The following KAZN variants were observed in gnomAD, a reference collection of about 807,000 sequenced individuals.
The protein encoded by KAZN is kazrin.
A neutral mutation model predicts 87.4 loss-of-function variants in KAZN; 40 were observed. The observed-to-expected ratio is 0.46, with a 90% CI of 0.36 to 0.60. The LOEUF is 0.60. Ranked by LOEUF, KAZN falls within the 20% of genes least tolerant of loss-of-function variation. The pLI, the probability that KAZN is intolerant of heterozygous loss-of-function variation, is 0.00. For missense variants in KAZN, 898 were observed against 1,073.9 expected, an observed-to-expected ratio of 0.84 and a Z score of 2.29; for synonymous variants, 466 against 458.3, an observed-to-expected ratio of 1.02 and a Z score of -0.22.
At chr1:15,109,202 T>C (rs139050658) in intron 13 of KAZN, among the ~76,000 whole-genome samples, 1 of 152,114 alleles carries the variant, frequency 6.6e-6, no homozygotes, top group East Asian at 1.9e-4. Flanking sequence ...CTGGGCAACA[T>C]GGCAAAACCC....
At chr1:14,835,753 A>G (rs1647217316) in intron 1 of KAZN, among the ~76,000 whole-genome samples, 1 of 151,598 alleles carries the variant, frequency 6.6e-6, no homozygotes, top group African/African-American at 2.4e-5. Flanking sequence ...TGCCTCCACC[A>G]CCCGTAGCCC....
chr1:14,447,160 GAACCCATAATTC>G (rs1028904934), intron 2 of KAZN, among the ~76,000 whole-genome samples: 23 of 150,708 alleles, frequency 1.5e-4, no homozygotes, highest in Non-Finnish European at 2.2e-4. Context: ...ATCCTAGTGG[GAACCCATAATTC>G]TTCTAGTTCT....
At chr1:14,245,385 G>A (rs1037483023) in intron 2 of KAZN, among the ~76,000 whole-genome samples, 92 of 152,100 alleles carry the variant, frequency 6.0e-4, no homozygotes, top group African/African-American at 2.1e-3. Context: ...TTGACAATAT[G>A]TCAGCTGCAT....
At chr1:15,074,237 G>A (rs752987330) in intron 8 of KAZN, among the ~76,000 whole-genome samples, 3 of 152,224 alleles carry the variant, frequency 2.0e-5, no homozygotes, top group Non-Finnish European at 2.9e-5. Context: ...CGTGTTGGAG[G>A]GTCCCTCCCT....
At chr1:14,533,704 C>A (rs1048836934) in intron 2 of KAZN, among the ~76,000 whole-genome samples, 1 of 152,184 alleles carries the variant, frequency 6.6e-6, no homozygotes, top group African/African-American at 2.4e-5. Context: ...ACCTGTCCTT[C>A]ACAATTTTGC....
intron 1 of KAZN, among the ~76,000 whole-genome samples, chr1:14,056,786 A>C (rs1387770796): frequency 1.3e-5 from 2 of 152,140 alleles, no homozygotes; most frequent in Non-Finnish European, 2.9e-5. Context: ...CTTTTTTTAG[A>C]CATAGCAGGA....
At chr1:14,884,377 C>T (rs865833412) in intron 1 of KAZN, among the ~76,000 whole-genome samples, 1 of 152,056 alleles carries the variant, frequency 6.6e-6, no homozygotes, top group African/African-American at 2.4e-5. Flanking sequence ...GGCAACAGAG[C>T]GAGACTCCAT....
intron 1 of KAZN, among the ~76,000 whole-genome samples, chr1:14,106,056 C>A (rs958842908): frequency 2.1e-4 from 32 of 152,140 alleles, no homozygotes; most frequent in African/African-American, 7.7e-4. Context: ...ATAACAGTAA[C>A]AACAACAATA....
chr1:14,943,074 T>G (rs1184663070), intron 1 of KAZN, among the ~76,000 whole-genome samples: 3 of 142,302 alleles, frequency 2.1e-5, no homozygotes, highest in East Asian at 2.0e-4. Context: ...CCTTGGGTTT[T>G]TTTTTTTTTT....
At chr1:15,113,460 T>C (rs1295663511) in intron 14 of KAZN, 1 of 151,898 alleles carries the variant, frequency 6.6e-6, no homozygotes, top group Non-Finnish European at 1.5e-5. Context: ...AAAAAGAAGA[T>C]CTGGAAACAC....
In KAZN at chr1:14,540,813, T is replaced by C. The variant is rs766687851; in HGVS notation, c.250-58170T>C. Among the ~76,000 whole-genome samples the C allele has an allele frequency of 4.3e-4, 65 of 152,214 alleles. 5 individuals carry two copies. The highest frequency in any genetic ancestry group is 2.9e-5 in the Non-Finnish European group (2 of 68,034). ...GTCCTAATATGAGTGATCTCTACCT[T>C]GTCCTCTACATGTTAGTAAATTCTG... On this transcript the variant is annotated intron_variant, in intron 2 of 16. Transcript: ENST00000636203.
At chr1:14,785,512 T>A (rs1276597463) in intron 1 of KAZN, among the ~76,000 whole-genome samples, 2 of 152,072 alleles carry the variant, frequency 1.3e-5, no homozygotes, top group Middle Eastern at 3.2e-3. Flanking sequence ...CTACACCTCC[T>A]CCGCGGGAGC....
chr1:14,709,323 T>C (rs1448372978), intron 1 of KAZN, among the ~76,000 whole-genome samples: 1 of 152,202 alleles, frequency 6.6e-6, no homozygotes, highest in Non-Finnish European at 1.5e-5. Flanking sequence ...GTGTCTTCCC[T>C]ATCCAAAGGC....
intron 2 of KAZN, among the ~76,000 whole-genome samples, chr1:14,507,584 C>T (rs538898936): frequency 6.6e-6 from 1 of 152,118 alleles, no homozygotes; most frequent in Non-Finnish European, 1.5e-5. Flanking sequence ...GAACAGAGTG[C>T]ATATAAGATT....
chr1:14,164,829 G>A (rs1307909908), intron 1 of KAZN, among the ~76,000 whole-genome samples: 3 of 152,058 alleles, frequency 2.0e-5, no homozygotes, highest in Admixed American at 2.0e-4. Flanking sequence ...ATGAGCCACC[G>A]TGCCCGGCCA....
chr1:14,706,762 G>T (rs1191744755), intron 1 of KAZN, among the ~76,000 whole-genome samples: 1 of 152,198 alleles, frequency 6.6e-6, no homozygotes, highest in East Asian at 1.9e-4. Flanking sequence ...ACACCTTTTA[G>T]TAAGCACTTT....
At chr1:14,063,483 T>G (rs995374256) in intron 1 of KAZN, among the ~76,000 whole-genome samples, 1 of 152,100 alleles carries the variant, frequency 6.6e-6, no homozygotes, top group Admixed American at 6.5e-5. Context: ...GGTGCCCAAT[T>G]GAGTACCCAA....
chr1:14,286,840 C>T (rs1055983218), intron 2 of KAZN, among the ~76,000 whole-genome samples: 2 of 152,112 alleles, frequency 1.3e-5, no homozygotes, highest in Non-Finnish European at 2.9e-5. Flanking sequence ...AATTTTTAGT[C>T]TTTAAATTTG....
intron 3 of KAZN, among the ~76,000 whole-genome samples, chr1:15,042,641 C>A (rs189440634): frequency 6.6e-6 from 1 of 152,342 alleles, no homozygotes; most frequent in African/African-American, 2.4e-5. Context: ...TGACTCACAG[C>A]AGTCATTGCA....
Sources: allele counts gnomAD v4.1 joint callset (sites outside exome capture counted in the v4.1 genomes callset), GRCh38; gene constraint gnomAD v4.1.1; transcripts MANE v1.5; gene names NCBI Gene and HGNC (gene_info 2026-07-23, HGNC 2026-07-21).